The following TTN variants were observed in gnomAD, a reference collection of about 807,000 sequenced individuals.
The protein encoded by TTN is connectin.
TTN carries 1,525 observed loss-of-function variants against 3,223.0 expected under a neutral mutation model. The observed-to-expected ratio is 0.47, with a 90% CI of 0.45 to 0.49. The LOEUF (loss-of-function observed/expected upper bound fraction) is 0.49. Ranked by LOEUF, TTN falls within the 20% of genes least tolerant of loss-of-function variation. The pLI is 0.00. For synonymous variants in TTN, 14,094 were observed against 15,161.0 expected, an observed-to-expected ratio of 0.93 and a Z score of 5.17; for missense variants, 40,786 against 43,424.0, an observed-to-expected ratio of 0.94 and a Z score of 5.40.
At chr2:178,714,918 G>A in intron 90 of TTN, 68 bp downstream of exon 90, 1 of 1,536,440 alleles carries the variant, frequency 6.5e-7, no homozygotes, top group Non-Finnish European at 8.8e-7. Context: ...GGGCTGGGGT[G>A]GAGGGGGCAA....
At chr2:178,619,178 A>AC in intron 250 of TTN, 1 of 381,552 alleles carries the variant, frequency 2.6e-6, no homozygotes. Flanking sequence ...CTGCATACTT[A>AC]GTTCAATAAA....
rs1485704287 is a variant in TTN, at chr2:178,604,969, A to C, written c.54190+18T>G. The C allele has an allele frequency of 6.3e-7, 1 of 1,588,278 alleles. No homozygotes were observed. Among genetic ancestry groups the C allele is most frequent in the South Asian group, 1.1e-5 (1 of 87,222 alleles). ...AGACACTGGATGCCTTTTTGATGTA[A>C]GAAAGCAAGTCACTTACCATATACT... On this transcript the variant is annotated intron_variant, in intron 280 of 362. Transcript: ENST00000589042.
chr2:178,532,814 C>T lies in TTN; in HGVS notation c.103801G>A (p.Glu34601Lys). The T allele has an allele frequency of 6.2e-7, 1 of 1,613,926 alleles. No individual in the cohort carries two copies. Among genetic ancestry groups the T allele is most frequent in the African/African-American group, 1.3e-5 (1 of 75,042 alleles). ...GGAAGAGGCATCACATAGAACTGTT[C>T]CCATCTTGAAAGGCGGATGCGCTTG... The part of the protein sequence containing the change: ...RPKRIRLSRW[E>K]QFYVMPLPRI... Residue 34601 changes from glutamate (E) to lysine (K), a missense_variant, in exon 358 of 363, where the codon GAA becomes AAA. Physicochemically the swap from Glu to Lys is moderately conservative, Grantham distance 56 (BLOSUM62 1). Coordinates refer to ENST00000589042, the MANE Select transcript of TTN (RefSeq NM_001267550.2).
rs753262730 is a variant in TTN at position 178,636,156 on chromosome 2, G to C, written c.41415C>G (p.Asn13805Lys). 1 of 1,612,896 alleles carries C rather than the reference G, an allele frequency of 6.2e-7. No homozygotes were observed. The highest frequency in any genetic ancestry group is 8.5e-7 in the Non-Finnish European group (1 of 1,179,410). The change falls in exon 226 of 363, where the codon AAC (asparagine) becomes AAG (lysine). Residue 13805 changes from asparagine (N) to lysine (K), a missense_variant. Transcript: ENST00000589042. The surrounding 1 kb of genome is among the most constrained non-coding windows in gnomAD (Gnocchi z 4.3). Reference sequence around the variant, plus strand: ...TCCTCCAGACCACGTCACGCTCTTTGTTTAACTCGCAGCTCAAGTACAATG... The same window carrying C: ...TCCTCCAGACCACGTCACGCTCTTTCTTTAACTCGCAGCTCAAGTACAATG... ...GQPLYLSCEL[N>K]KERDVVWRKD...
rs1403005823 is a variant in TTN, at chr2:178,581,588, T to C, written c.66680A>G (p.Gln22227Arg). ...AACGGCATACACACGGAATTGATAT[T>C]GTGTGTCTTCCATCAGGCCAGTAAC... Reference protein sequence around the residue: ...FEVTGLMEDTQYQFRVYAVNK... With the variant: ...FEVTGLMEDTRYQFRVYAVNK... The change falls in exon 316 of 363, where the codon CAA (glutamine) becomes CGA (arginine). Residue 22227 changes from glutamine to arginine, a missense_variant. Transcript: ENST00000589042. The C allele has an allele frequency of 6.2e-7, 1 of 1,612,430 alleles. No individual in the cohort carries two copies. The highest frequency in any genetic ancestry group is 1.3e-5 in the African/African-American group (1 of 74,856).
At position 178,605,056 on chromosome 2, in the gene TTN, C is replaced by G; in HGVS notation, c.54121G>C (p.Gly18041Arg). ...TTGGAAGCAGTAACTGTGTAAGTGC[C>G]TTTGTCCTCCCGGACCGCTTTGGGA... is the stretch of plus-strand genomic sequence containing the variant. ...SIPKAVREDK[G>R]TYTVTASNRL... Residue 18041 changes from glycine (G) to arginine (R), a missense_variant, in exon 280 of 363, where the codon GGC becomes CGC. Physicochemically the swap from Gly to Arg is moderately radical, Grantham distance 125 (BLOSUM62 -2). Transcript: ENST00000589042. The G allele has an allele frequency of 5.6e-6, 9 of 1,612,342 alleles. No homozygotes were observed. Among genetic ancestry groups the G allele is most frequent in the Non-Finnish European group, 7.6e-6 (9 of 1,178,926 alleles).
chr2:178,561,252 G>C lies in TTN; in HGVS notation c.84880C>G (p.Leu28294Val), dbSNP rs747855990. 6.2e-7 allele frequency: 1 copy of C among 1,613,750 alleles called. No individual in the cohort carries two copies. Among genetic ancestry groups the C allele is most frequent in the Non-Finnish European group, 8.5e-7 (1 of 1,179,794 alleles). Residue 28294 changes from leucine to valine, a missense_variant, in exon 326 of 363, where the codon CTA (leucine) becomes GTA (valine). Transcript: ENST00000589042. ...CACTTCAGCCACCGGCCATCTGGTA[G>C]TTCTCTGCGTTCAACAATGTATCCT... Reference protein sequence around the residue: ...ITGYIVERRELPDGRWLKCNY... With the variant: ...ITGYIVERREVPDGRWLKCNY...
chr2:178,780,814 G>A (rs1358520143), intron 21 of TTN, among the ~76,000 whole-genome samples: 1 of 152,168 alleles, frequency 6.6e-6, no homozygotes, highest in Non-Finnish European at 1.5e-5. Context: ...TGTTTTCATT[G>A]AGCTCACTGT....
rs1164228016 is a variant in TTN, at chr2:178,715,091, T to C, written c.26095A>G (p.Ser8699Gly). The C allele has an allele frequency of 6.2e-7, 1 of 1,613,754 alleles. No homozygotes were observed. Among genetic ancestry groups the C allele is most frequent in the South Asian group, 1.1e-5 (1 of 91,076 alleles). Residue 8699 changes from serine (S) to glycine (G), a missense_variant, in exon 90 of 363, where the codon AGT becomes GGT. Coordinates refer to ENST00000589042, the MANE Select transcript of TTN (RefSeq NM_001267550.2). The part of the protein sequence containing the change: ...YKIMSENFLT[S>G]IHILNVDAAD... ...GCATCGACATTCAGGATGTGGATAC[T>C]GGTTAGGAAGTTCTCAGACATTATC...
At position 178,531,616 on chromosome 2, in the gene TTN, T is replaced by C; in HGVS notation, c.104999A>G (p.Glu35000Gly). The change falls in exon 358 of 363, where the codon GAA (glutamate) becomes GGA (glycine). Residue 35000 changes from glutamate to glycine, a missense_variant. Glu to Gly is a moderately conservative substitution (Grantham distance 98). Transcript: ENST00000589042. The part of the protein sequence containing the change: ...YTNTSGVLTL[E>G]ILDCHTDDSG... ...GTCATCAGTATGACAGTCCAGAATT[T>C]CCAGGGTGAGGACTCCACTCGTGTT... 1 of 1,614,006 alleles carries C rather than the reference T, an allele frequency of 6.2e-7. No homozygotes were observed. The highest frequency in any genetic ancestry group is 1.1e-5 in the South Asian group (1 of 91,086).
At chr2:178,729,264 T>G in intron 64 of TTN, 24 bp downstream of exon 64, 1 of 1,566,004 alleles carries the variant, frequency 6.4e-7, no homozygotes, top group Non-Finnish European at 8.6e-7. Flanking sequence ...TTTTATTTGA[T>G]AGGCTGCTTC....
In TTN at chr2:178,726,016, A is replaced by G; in HGVS notation, c.20306T>C (p.Ile6769Thr). ...EPPVFSSFPP[I>T]VETLKNAEVS... The stretch of plus-strand genomic sequence containing the variant: ...TTCAGCATTTTTAAGGGTTTCTACT[A>G]TAGGAGGGAAGCTGCTAAAAACAGG... The change falls in exon 70 of 363, where the codon ATA (isoleucine) becomes ACA (threonine). Residue 6769 changes from isoleucine (I) to threonine (T), a missense_variant. Transcript: ENST00000589042. 6.4e-7 allele frequency: 1 copy of G among 1,552,194 alleles called. No individual in the cohort carries two copies.
chr2:178,570,021 C>G lies in TTN; in HGVS notation c.76111G>C (p.Glu25371Gln). ...ELRLRVTGLI[E>Q]NHDYEFRVSA... ...ACTCTGAACTCATAATCGTGATTTT[C>G]TATGAGTCCAGTTACTCTCAGGCGC... The change falls in exon 326 of 363, where the codon GAA becomes CAA. Residue 25371 changes from glutamate (E) to glutamine (Q), a missense_variant. Physicochemically the swap from Glu to Gln is conservative, Grantham distance 29. Transcript: ENST00000589042. 1 of 1,613,216 alleles carries G rather than the reference C, an allele frequency of 6.2e-7. No homozygotes were observed. The highest frequency in any genetic ancestry group is 2.2e-5 in the East Asian group (1 of 44,760).
Position 178,610,316 on chromosome 2 carries a change from A to G in TTN, c.51210T>C (p.Pro17070=). Residue 17070 remains proline (P), a synonymous_variant, in exon 271 of 363, where the codon CCT becomes CCC. Transcript: ENST00000589042. ...TKSSCKLTWE[P]PEFDGGTPIL... is the part of the protein sequence containing the mutation. ...TTGGGGTTCCACCATCAAATTCTGG[A>G]GGTTCCCAAGTTAACTTACAAGAAC... 6.2e-7 allele frequency: 1 copy of G among 1,612,858 alleles called. No individual in the cohort carries two copies. Among genetic ancestry groups the G allele is most frequent in the Non-Finnish European group, 8.5e-7 (1 of 1,179,198 alleles).
At chr2:178,801,623 T>G (rs2094067268) in intron 3 of TTN, among the ~76,000 whole-genome samples, 1 of 151,666 alleles carries the variant, frequency 6.6e-6, no homozygotes, top group Non-Finnish European at 1.5e-5. Context: ...CAGAGGCCAC[T>G]AAGATTGGTG....
At chr2:178,701,484 A>C in intron 110 of TTN, 44 bp downstream of exon 110, 1 of 1,589,936 alleles carries the variant, frequency 6.3e-7, no homozygotes, top group African/African-American at 1.4e-5. Flanking sequence ...CTAGTGCTAG[A>C]ATATTGCTGC....
At position 178,558,386 on chromosome 2, in the gene TTN, C is replaced by G. The variant is rs1702323691; in HGVS notation, c.87073G>C (p.Asp29025His). 1.2e-6 allele frequency: 2 copies of G among 1,613,544 alleles called. No homozygotes were observed. Among genetic ancestry groups the G allele is most frequent in the African/African-American group, 2.7e-5 (2 of 74,916 alleles). ...ACAGGAAGCAGAAGCTCTCTCGGGT[C>G]ACTCAGGCCAGCTTGATTTTCAGCA... ...VFAENQAGLSDPRELLLPVLI... is the reference protein window; with the variant it reads ...VFAENQAGLSHPRELLLPVLI... The change falls in exon 327 of 363, where the codon GAC (aspartate) becomes CAC (histidine). Residue 29025 changes from aspartate to histidine, a missense_variant. Transcript: ENST00000589042.
chr2:178,607,600 C>T lies in TTN; in HGVS notation c.53088G>A (p.Val17696=). 1 of 1,613,146 alleles carries T rather than the reference C, an allele frequency of 6.2e-7. No homozygotes were observed. The highest frequency in any genetic ancestry group is 8.5e-7 in the Non-Finnish European group (1 of 1,179,378). Residue 17696 remains valine (V), a synonymous_variant, in exon 277 of 363, where the codon GTG becomes GTA. Transcript: ENST00000589042. ...AGKTLRIPAV[V]TGRPVPTKVW... is the part of the protein sequence containing the mutation. ...CTTTTGTAGGTACAGGGCGACCAGT[C>T]ACCACAGCTGGAATTCTAAGAGTCT...
intron 57 of TTN, 29 bp downstream of exon 57, chr2:178,732,037 G>C: frequency 6.3e-7 from 1 of 1,588,838 alleles, no homozygotes; most frequent in Non-Finnish European, 8.6e-7. Flanking sequence ...CATAACTTTG[G>C]CAACACAAGA....
Sources: allele counts gnomAD v4.1 joint callset (sites outside exome capture counted in the v4.1 genomes callset), GRCh38; gene constraint gnomAD v4.1.1; non-coding constraint Gnocchi (gnomAD v3.1); transcripts MANE v1.5; gene names NCBI Gene and HGNC (gene_info 2026-07-23, HGNC 2026-07-21).